Variants in BRINP1 observed in about 807,000 individuals in gnomAD.
BRINP1 encodes BMP/retinoic acid-inducible neural-specific protein 1.
Under a neutral mutation model 72.9 loss-of-function variants are expected in BRINP1, and 17 were observed. The ratio of observed to expected loss-of-function variants is 0.23; its 90% CI spans 0.16 to 0.35. The LOEUF is 0.35. Among genes scored for constraint, BRINP1 ranks in the 10% least tolerant of loss-of-function variants. BRINP1 has a pLI of 1.00. For synonymous variants in BRINP1, 418 were observed against 378.5 expected, an observed-to-expected ratio of 1.10 and a Z score of -1.21; for missense variants, 850 against 1,001.6, an observed-to-expected ratio of 0.85 and a Z score of 2.04.
At chr9:119,293,008 A>C (rs1830837667) in intron 2 of BRINP1, among the ~76,000 whole-genome samples, 1 of 152,170 alleles carries the variant, frequency 6.6e-6, no homozygotes. Flanking sequence ...TATATCGGGC[A>C]CTTTTTCTGT....
At chr9:119,359,759 G>A (rs887963361) in intron 1 of BRINP1, among the ~76,000 whole-genome samples, 2 of 152,182 alleles carry the variant, frequency 1.3e-5, no homozygotes, top group Non-Finnish European at 1.5e-5. Flanking sequence ...TCTCTAGAAT[G>A]GGGCACAATA....
chr9:119,235,569 G>T (rs2118904236), intron 5 of BRINP1, among the ~76,000 whole-genome samples: 1 of 152,128 alleles, frequency 6.6e-6, no homozygotes, highest in East Asian at 1.9e-4. Flanking sequence ...ACTCTTGTTT[G>T]TTTGAAGCTC....
In BRINP1 at chr9:119,169,281, G is replaced by A. The variant is rs574033722; in HGVS notation, c.1146-1057C>T. ...AGGTCATTGGGTGCACGCACCGTGC[G>A]CGAGCTGAAGCAGGGCGAGGCATTG... On this transcript the variant is annotated intron_variant, in intron 7 of 7. Transcript: ENST00000265922. Among the ~76,000 whole-genome samples the A allele has an allele frequency of 3.9e-5, 6 of 152,228 alleles. No homozygotes were observed. The South Asian group carries it at 8.3e-4, about 21-fold the overall frequency.
intron 1 of BRINP1, among the ~76,000 whole-genome samples, chr9:119,328,503 C>A (rs1243448029): frequency 6.6e-6 from 1 of 151,860 alleles, no homozygotes; most frequent in African/African-American, 2.4e-5. Flanking sequence ...CTAGGATAGA[C>A]CTAGAATTAA....
chr9:119,247,381 G>A, intron 3 of BRINP1, among the ~76,000 whole-genome samples: 1 of 151,942 alleles, frequency 6.6e-6, no homozygotes, highest in Non-Finnish European at 1.5e-5. Flanking sequence ...AGCCAGGCAC[G>A]GTGGCTCACA....
At chr9:119,325,655 G>A (rs1385807789) in intron 1 of BRINP1, among the ~76,000 whole-genome samples, 2 of 152,108 alleles carry the variant, frequency 1.3e-5, no homozygotes, top group African/African-American at 4.8e-5. Flanking sequence ...CCTACTGGTC[G>A]TCTTGCTTCA....
chr9:119,257,076 G>GTGA (rs1159003934), intron 2 of BRINP1, among the ~76,000 whole-genome samples: 1 of 152,220 alleles, frequency 6.6e-6, no homozygotes, highest in Non-Finnish European at 1.5e-5. Context: ...CTTGATTCAA[G>GTGA]TGAACTGCAA....
chr9:119,290,876 A>G (rs1393619048), intron 2 of BRINP1, among the ~76,000 whole-genome samples: 1 of 152,166 alleles, frequency 6.6e-6, no homozygotes, highest in Non-Finnish European at 1.5e-5. Context: ...TAATCCCAGC[A>G]CTTTGGGAGG....
At chr9:119,185,628 G>A (rs1427956004) in intron 7 of BRINP1, among the ~76,000 whole-genome samples, 1 of 152,196 alleles carries the variant, frequency 6.6e-6, no homozygotes. Context: ...AAAACCCTGT[G>A]AGGCACAGAA....
chr9:119,331,583 G>A (rs1831300898), intron 1 of BRINP1, among the ~76,000 whole-genome samples: 1 of 152,136 alleles, frequency 6.6e-6, no homozygotes, highest in African/African-American at 2.4e-5. Context: ...GCTGTCATGA[G>A]TGTTTCTTTG....
intron 4 of BRINP1, among the ~76,000 whole-genome samples, chr9:119,241,117 C>T (rs1830244141): frequency 6.6e-6 from 1 of 152,174 alleles, no homozygotes; most frequent in Non-Finnish European, 1.5e-5. Context: ...TCCAGGGCTG[C>T]TTTTCTCAAT....
At chr9:119,343,600 T>C (rs971653401) in intron 1 of BRINP1, among the ~76,000 whole-genome samples, 2 of 152,196 alleles carry the variant, frequency 1.3e-5, no homozygotes, top group Non-Finnish European at 2.9e-5. Context: ...TAATACCTTC[T>C]TCCTCATTCT....
At chr9:119,356,033 G>A (rs74918043) in intron 1 of BRINP1, among the ~76,000 whole-genome samples, 2,134 of 152,132 alleles carry the variant, frequency 0.014, 50 homozygotes, top group African/African-American at 0.048. Context: ...TATAAAGATC[G>A]AGATAGAGAT....
Position 119,167,657 on chromosome 9 carries a change from A to G in BRINP1, c.1713T>C (p.His571=), listed in dbSNP as rs770544993. Residue 571 remains histidine, a synonymous_variant, in exon 8 of 8, where the codon CAT becomes CAC. Coordinates refer to ENST00000265922, the MANE Select transcript of BRINP1 (RefSeq NM_014618.3). This position sits in a 1 kb window ranked among gnomAD's most constrained non-coding sequence, Gnocchi z 4.3. ...CGAAGGGCATGTTCCAGCCCTCCGAATGGCTCCCGCTAAAGGGGTTGACAT... is the reference window on the plus strand; with the variant it reads ...CGAAGGGCATGTTCCAGCCCTCCGAGTGGCTCCCGCTAAAGGGGTTGACAT... ...FVYVNPFSGS[H]SEGWNMPFGE... The G allele has an allele frequency of 1.2e-6, 2 of 1,613,970 alleles. No individual in the cohort carries two copies. Among genetic ancestry groups the G allele is most frequent in the East Asian group, 4.5e-5 (2 of 44,842 alleles).
chr9:119,289,467 C>CT (rs1351680373), intron 2 of BRINP1, among the ~76,000 whole-genome samples: 2 of 152,034 alleles, frequency 1.3e-5, no homozygotes, highest in African/African-American at 4.8e-5. Context: ...GATTAGGAAA[C>CT]TATTGCAATT....
intron 2 of BRINP1, among the ~76,000 whole-genome samples, chr9:119,276,800 C>T (rs944965660): frequency 6.6e-5 from 10 of 152,134 alleles, no homozygotes; most frequent in African/African-American, 7.2e-5. Flanking sequence ...GTCTTAATTT[C>T]GTTTATCTTC....
chr9:119,303,949 G>A (rs1345063913), intron 2 of BRINP1, among the ~76,000 whole-genome samples: 4 of 150,198 alleles, frequency 2.7e-5, no homozygotes, highest in African/African-American at 9.8e-5. Flanking sequence ...GCATGATCTC[G>A]GCTCACTGCA....
At chr9:119,276,393 T>C (rs1454330384) in intron 2 of BRINP1, among the ~76,000 whole-genome samples, 3 of 152,202 alleles carry the variant, frequency 2.0e-5, no homozygotes, top group South Asian at 2.1e-4. Flanking sequence ...TTAGAAAATA[T>C]AAACTATTTT....
At chr9:119,334,466 G>A (rs1831329729) in intron 1 of BRINP1, among the ~76,000 whole-genome samples, 2 of 152,200 alleles carry the variant, frequency 1.3e-5, no homozygotes, top group African/African-American at 4.8e-5. Flanking sequence ...CCCAGCCATA[G>A]GAATTCAACA....
Sources: gnomAD v4.1 joint callset for allele counts (sites outside exome capture counted in the v4.1 genomes callset) on GRCh38, gnomAD v4.1.1 for gene constraint, Gnocchi (gnomAD v3.1) non-coding constraint, MANE v1.5 for transcripts, NCBI Gene and HGNC (gene_info 2026-07-23, HGNC 2026-07-21) for gene names.